Variants in PAQR5 observed in about 807,000 individuals in gnomAD.
PAQR5 encodes the protein progestin and adipoQ receptor family member 5.
Under a neutral mutation model 34.5 loss-of-function variants are expected in PAQR5, and 20 were observed. The ratio of observed to expected loss-of-function variants is 0.58; its 90% CI spans 0.41 to 0.84. The LOEUF (loss-of-function observed/expected upper bound fraction) is 0.84. PAQR5 is among the 40% of genes least tolerant of loss of function. The probability of loss-of-function intolerance (pLI) is 0.00; values close to 1 mark genes in which losing one functional copy is unlikely to be tolerated. For missense variants in PAQR5, 378 were observed against 412.7 expected (o/e 0.92, Z 0.73); for synonymous variants, 131 against 155.6 (o/e 0.84, Z 1.18).
chr15:69,334,184 C>T (rs561804444), intron 1 of PAQR5, among the ~76,000 whole-genome samples: 5 of 152,050 alleles, frequency 3.3e-5, no homozygotes, highest in Non-Finnish European at 7.4e-5. Context: ...CCCGCCACCA[C>T]GCCGGGCTAA....
At chr15:69,316,244 C>A (rs1014060860) in intron 1 of PAQR5, among the ~76,000 whole-genome samples, 1 of 152,110 alleles carries the variant, frequency 6.6e-6, no homozygotes, top group Non-Finnish European at 1.5e-5. Flanking sequence ...CCACACCCGG[C>A]TAGTTTTTGT....
intron 2 of PAQR5, among the ~76,000 whole-genome samples, chr15:69,340,523 G>A (rs879851942): frequency 5.9e-5 from 9 of 152,130 alleles, no homozygotes; most frequent in Non-Finnish European, 1.3e-4. Context: ...TGCTGAGGTG[G>A]GCATTTGACC....
intron 1 of PAQR5, among the ~76,000 whole-genome samples, chr15:69,308,007 C>T (rs558101100): frequency 7.2e-5 from 11 of 152,090 alleles, no homozygotes; most frequent in African/African-American, 1.4e-4. Context: ...AACTTAGAGA[C>T]GAGGCATTGA....
intron 6 of PAQR5, among the ~76,000 whole-genome samples, chr15:69,392,628 A>G (rs1045055881): frequency 2.6e-5 from 4 of 152,146 alleles, no homozygotes; most frequent in African/African-American, 9.7e-5. Flanking sequence ...GGAGAGACAG[A>G]CTGCAGATGC....
chr15:69,358,408 T>C (rs1286881100), intron 2 of PAQR5, among the ~76,000 whole-genome samples: 1 of 152,116 alleles, frequency 6.6e-6, no homozygotes. Context: ...TTGCTTCTCT[T>C]GCTGTGATCT....
At chr15:69,347,100 G>A (rs1023908665) in intron 2 of PAQR5, among the ~76,000 whole-genome samples, 1 of 152,130 alleles carries the variant, frequency 6.6e-6, no homozygotes, top group Admixed American at 6.6e-5. Context: ...GAGATTACAG[G>A]TGTGAGCCAC....
chr15:69,347,302 T>G (rs542335011), intron 2 of PAQR5, among the ~76,000 whole-genome samples: 1 of 152,340 alleles, frequency 6.6e-6, no homozygotes, highest in South Asian at 2.1e-4. Flanking sequence ...GCTAATTAAT[T>G]GGCAAAGAGG....
intron 1 of PAQR5, among the ~76,000 whole-genome samples, chr15:69,304,869 A>G (rs12441411): frequency 0.04 from 6,069 of 152,298 alleles, 177 homozygotes; most frequent in East Asian, 0.13. Context: ...CCAGAGTCCC[A>G]AATTCAGCCA....
At chr15:69,379,304 C>A in intron 3 of PAQR5, 1 of 449,420 alleles carries the variant, frequency 2.2e-6, no homozygotes, top group Non-Finnish European at 2.9e-6. Context: ...GCCAAATGGG[C>A]TGCATGGGGG....
chr15:69,302,574 C>T (rs1197764059), intron 1 of PAQR5, among the ~76,000 whole-genome samples: 1 of 152,158 alleles, frequency 6.6e-6, no homozygotes, highest in Non-Finnish European at 1.5e-5. Context: ...AGGATGCTGC[C>T]CACCTTGCTT....
intron 3 of PAQR5, among the ~76,000 whole-genome samples, chr15:69,374,172 A>AT (rs11418221): frequency 0.049 from 7,533 of 152,290 alleles, 386 homozygotes; most frequent in African/African-American, 0.12. Context: ...TAATGGTTTC[A>AT]TATCAACAAT....
intron 1 of PAQR5, among the ~76,000 whole-genome samples, chr15:69,303,950 G>A (rs924107664): frequency 1.3e-5 from 2 of 152,208 alleles, no homozygotes; most frequent in African/African-American, 2.4e-5. Flanking sequence ...CCAAATTCAG[G>A]GTTAGAATGC....
At chr15:69,307,289 T>A (rs145319620) in intron 1 of PAQR5, among the ~76,000 whole-genome samples, 1 of 152,236 alleles carries the variant, frequency 6.6e-6, no homozygotes, top group African/African-American at 2.4e-5. Context: ...AATGCAAATA[T>A]CTGTTTGTGT....
At position 69,350,573 on chromosome 15, in the gene PAQR5, G is replaced by A. The variant is rs574680044; in HGVS notation, c.-115-9393G>A. On this transcript the variant is annotated intron_variant, in intron 2 of 8. Coordinates refer to ENST00000395407, the MANE Select transcript of PAQR5 (RefSeq NM_017705.4). ...CGCAAGAATCGCTTGAACTCAAGAG[G>A]TGGAGGCTGCAGTGAGCCGAGATTG... Among the ~76,000 whole-genome samples the A allele has an allele frequency of 8.2e-4, 125 of 152,248 alleles. No homozygotes were observed. In the South Asian group the frequency reaches 0.015, roughly 18 times the overall value.
chr15:69,313,668 G>T (rs2053878250), intron 1 of PAQR5, among the ~76,000 whole-genome samples: 1 of 152,182 alleles, frequency 6.6e-6, no homozygotes, highest in African/African-American at 2.4e-5. Flanking sequence ...CACCAGGGAG[G>T]CCCCATTTCC....
chr15:69,322,160 T>TAA lies in PAQR5; in HGVS notation c.-276-15162_-276-15161dup, dbSNP rs34094930. Among the ~76,000 whole-genome samples, 318 of 120,858 alleles carry TAA rather than the reference T, an allele frequency of 2.6e-3. 12 individuals are homozygous for TAA. The highest frequency in any genetic ancestry group is 9.6e-3 in the African/African-American group (298 of 31,158). The allele number at this position is 120,858 out of a possible 152,430, so 79.3% of individuals were successfully genotyped here. On this transcript the variant is annotated intron_variant, in intron 1 of 8. Transcript: ENST00000395407. ...GGGCAACATAGTGAGACCCCATTTC[T>TAA]AAAAAAAAAAAAAAAAAAAATTAAA...
In PAQR5 at chr15:69,403,626, A is replaced by G; in HGVS notation, c.797A>G (p.His266Arg). The change falls in exon 9 of 9, where the codon CAC becomes CGC. Residue 266 changes from histidine (H) to arginine (R), a missense_variant. Coordinates refer to ENST00000395407, the MANE Select transcript of PAQR5 (RefSeq NM_017705.4). ...LFHVCVILAT[H>R]MQMEAILLDK... ...CACGTGTGTGTGATCCTGGCCACGC[A>G]CATGCAGATGGAAGCCATACTTCTG... 6.2e-7 allele frequency: 1 copy of G among 1,614,120 alleles called. No homozygotes were observed.
At chr15:69,356,997 G>T (rs575631347) in intron 2 of PAQR5, among the ~76,000 whole-genome samples, 1 of 152,108 alleles carries the variant, frequency 6.6e-6, no homozygotes, top group Non-Finnish European at 1.5e-5. Flanking sequence ...CTGTCTTCGA[G>T]ATAGTGACTT....
Position 69,385,783 on chromosome 15 carries a change from G to GAC in PAQR5, c.385+911_385+912dup, listed in dbSNP as rs966740967. Reference sequence around the variant, plus strand: ...ACACACTCATGCACTGACACACACTGACACACACACATACAATGCACTCAC... The same window carrying GAC: ...ACACACTCATGCACTGACACACACTGACACACACACACATACAATGCACTCAC... On this transcript the variant is annotated intron_variant, in intron 5 of 8. Transcript: ENST00000395407. The surrounding 1 kb of genome is among the most constrained non-coding windows in gnomAD (Gnocchi z 4.7). Among the ~76,000 whole-genome samples the GAC allele has an allele frequency of 2.0e-5, 3 of 151,168 alleles. No individual in the cohort carries two copies. The highest frequency in any genetic ancestry group is 7.3e-5 in the African/African-American group (3 of 41,064).
Sources: allele counts gnomAD v4.1 joint callset (sites outside exome capture counted in the v4.1 genomes callset), GRCh38; gene constraint gnomAD v4.1.1; non-coding constraint Gnocchi (gnomAD v3.1); transcripts MANE v1.5; gene names NCBI Gene and HGNC (gene_info 2026-07-23, HGNC 2026-07-21).